Variants in CCND3 observed in about 807,000 individuals in gnomAD.
CCND3 encodes G1/S-specific cyclin-D3.
Under a neutral mutation model 28.7 loss-of-function variants are expected in CCND3, and 9 were observed. The ratio of observed to expected loss-of-function variants is 0.31; its 90% CI spans 0.19 to 0.55. CCND3 has a LOEUF of 0.55. Among genes scored for constraint, CCND3 ranks in the 20% least tolerant of loss-of-function variants. The pLI is 0.93. For synonymous variants in CCND3, 164 were observed against 163.9 expected (o/e 1.00, Z 0.00); for missense variants, 315 against 385.8 (o/e 0.82, Z 1.54).
chr6:41,973,980 C>T (rs1396873903), intron 1 of CCND3, among the ~76,000 whole-genome samples: 2 of 152,164 alleles, frequency 1.3e-5, no homozygotes, highest in East Asian at 1.9e-4. Flanking sequence ...GTCAAGACTT[C>T]GAGACCATCC....
In CCND3 at chr6:41,935,616, G is replaced by GT. The variant is rs1054111581; in HGVS notation, c.*323dup. ...GTTGAAAACATGAGAGCCCCCAGGG[G>GT]TGGGGGGGGGCGTTCAAAAGGAATG... On this transcript the variant is annotated 3_prime_UTR_variant, in exon 5 of 5. Transcript: ENST00000372991. 47 of 441,862 alleles carry GT rather than the reference G, an allele frequency of 1.1e-4. No individual in the cohort carries two copies. In the East Asian group the frequency reaches 1.1e-3, roughly 11 times the overall value. 27.4% of individuals were successfully genotyped at this position (441,862 alleles called of 1,614,324 possible).
chr6:41,972,240 A>AGAAAAG (rs1554162049), intron 1 of CCND3, among the ~76,000 whole-genome samples: 1 of 99,738 alleles, frequency 1.0e-5, no homozygotes, highest in Admixed American at 1.2e-4. Flanking sequence ...AAAAAAAAAA[A>AGAAAAG]AAAAGAAAAG....
In CCND3 at chr6:41,991,576, T is replaced by C. The variant is rs561509658; in HGVS notation, c.-45-50991A>G. On this transcript the variant is annotated intron_variant, in intron 1 of 4. Transcript: ENST00000372988. ...ATTAGCATATCCATCATCTCAAACATTTGTCATTTTGTTTGTTTTGGGAGC... is the reference window on the plus strand; with the variant it reads ...ATTAGCATATCCATCATCTCAAACACTTGTCATTTTGTTTGTTTTGGGAGC... 4.4e-4 allele frequency among the ~76,000 whole-genome samples: 67 copies of C among 152,314 alleles called. 1 individual carries two copies. The highest frequency in any genetic ancestry group is 2.5e-3 in the South Asian group (12 of 4,832).
chr6:42,019,177 T>TA lies in CCND3; in HGVS notation c.-46+29323dup, dbSNP rs1763622603. Among the ~76,000 whole-genome samples the TA allele has an allele frequency of 8.6e-5, 13 of 151,844 alleles. No homozygotes were observed. In the South Asian group the frequency reaches 2.7e-3, roughly 32 times the overall value. On this transcript the variant is annotated intron_variant, in intron 1 of 4. Transcript: ENST00000372988. ...GATACTTAAGTAAATTCACATAGCATAAAAAATGTAAAACAAAAAGGAAAT... is the reference window on the plus strand; with the variant it reads ...GATACTTAAGTAAATTCACATAGCATAAAAAAATGTAAAACAAAAAGGAAAT...
intron 1 of CCND3, among the ~76,000 whole-genome samples, chr6:41,985,566 C>T (rs1762462605): frequency 1.3e-5 from 2 of 150,976 alleles, no homozygotes; most frequent in African/African-American, 2.4e-5. Flanking sequence ...CCACCCGCCT[C>T]GGCCTCCCAG....
chr6:42,005,971 C>T (rs1023814124), intron 1 of CCND3, among the ~76,000 whole-genome samples: 2 of 151,714 alleles, frequency 1.3e-5, no homozygotes, highest in Non-Finnish European at 2.9e-5. Flanking sequence ...TATGAGCAAC[C>T]GCGCCCAGCC....
chr6:41,984,304 C>T (rs142437897), intron 1 of CCND3, among the ~76,000 whole-genome samples: 3 of 152,206 alleles, frequency 2.0e-5, no homozygotes, highest in Non-Finnish European at 4.4e-5. Context: ...TGGATATACA[C>T]CCAGAAGTTG....
intron 1 of CCND3, among the ~76,000 whole-genome samples, chr6:42,036,397 A>AC (rs1764214697): frequency 2.3e-5 from 1 of 44,392 alleles, no homozygotes; most frequent in Non-Finnish European, 4.0e-5. Context: ...ATATATATAT[A>AC]TATATATTTT....
intron 1 of CCND3, among the ~76,000 whole-genome samples, chr6:41,991,282 C>A (rs1207291524): frequency 6.6e-6 from 1 of 152,174 alleles, no homozygotes; most frequent in African/African-American, 2.4e-5. Context: ...TGGTCTCAAA[C>A]TCCTGACCTC....
At chr6:42,033,838 C>T (rs1246862628) in intron 1 of CCND3, among the ~76,000 whole-genome samples, 5 of 147,334 alleles carry the variant, frequency 3.4e-5, no homozygotes, top group Non-Finnish European at 5.9e-5. Context: ...GCAACAAGAG[C>T]GAAACTCCGT....
intron 1 of CCND3, among the ~76,000 whole-genome samples, chr6:42,013,502 T>C (rs962890970): frequency 1.3e-5 from 2 of 152,194 alleles, no homozygotes; most frequent in African/African-American, 4.8e-5. Context: ...ATAGTAGACA[T>C]TCAATAAATA....
intron 1 of CCND3, among the ~76,000 whole-genome samples, chr6:42,027,840 T>A (rs1763927015): frequency 6.6e-6 from 1 of 152,038 alleles, no homozygotes; most frequent in Non-Finnish European, 1.5e-5. Flanking sequence ...CTCCGCCTCC[T>A]GGGTTCAAGC....
intron 1 of CCND3, among the ~76,000 whole-genome samples, chr6:42,031,823 T>TC (rs1004596843): frequency 6.6e-6 from 1 of 151,446 alleles, no homozygotes; most frequent in African/African-American, 2.4e-5. Flanking sequence ...CTTTTTTTTT[T>TC]TTTTTTTTTG....
intron 1 of CCND3, among the ~76,000 whole-genome samples, chr6:42,033,643 G>A (rs1005225033): frequency 2.0e-5 from 3 of 148,678 alleles, no homozygotes; most frequent in Non-Finnish European, 4.5e-5. Context: ...AGATCAGAAG[G>A]ACGAGACCAG....
intron 1 of CCND3, among the ~76,000 whole-genome samples, chr6:41,984,556 C>T (rs1762431260): frequency 6.6e-6 from 1 of 152,108 alleles, no homozygotes; most frequent in Non-Finnish European, 1.5e-5. Flanking sequence ...CCATGTTGGC[C>T]AGGCTGGTCT....
At chr6:41,980,630 C>T (rs1762318944) in intron 1 of CCND3, among the ~76,000 whole-genome samples, 2 of 152,054 alleles carry the variant, frequency 1.3e-5, no homozygotes, top group South Asian at 2.1e-4. Context: ...CAAGAATCCT[C>T]AACAAAATAT....
intron 1 of CCND3, among the ~76,000 whole-genome samples, chr6:42,041,873 C>T (rs895493341): frequency 2.0e-5 from 3 of 152,222 alleles, no homozygotes; most frequent in African/African-American, 7.2e-5. Context: ...CCATCTGGAG[C>T]CCAAATTGGA....
intron 1 of CCND3, among the ~76,000 whole-genome samples, chr6:41,971,579 G>T (rs1257097913): frequency 2.6e-5 from 4 of 151,252 alleles, no homozygotes; most frequent in Non-Finnish European, 5.9e-5. Context: ...GTCTCGTTCT[G>T]TCGCCAGGCT....
At chr6:42,013,166 T>C (rs535643922) in intron 1 of CCND3, among the ~76,000 whole-genome samples, 9 of 152,258 alleles carry the variant, frequency 5.9e-5, no homozygotes, top group Admixed American at 2.6e-4. Context: ...TGCCCCAGGA[T>C]CCAACTTGAT....
Sources: allele counts gnomAD v4.1 joint callset (sites outside exome capture counted in the v4.1 genomes callset), GRCh38; gene constraint gnomAD v4.1.1; transcripts MANE v1.5; gene names NCBI Gene and HGNC (gene_info 2026-07-23, HGNC 2026-07-21).